NECAB2: variants seen among roughly 807,000 people sequenced by gnomAD.
NECAB2 encodes the protein N-terminal EF-hand calcium binding protein 2.
A neutral mutation model predicts 51.9 loss-of-function variants in NECAB2; 68 were observed. The ratio of observed to expected loss-of-function variants is 1.31; its 90% confidence interval spans 1.08 to 1.60. NECAB2 has a LOEUF of 1.60. NECAB2 is among the 40% of genes most tolerant of loss of function. The probability of loss-of-function intolerance (pLI) is 0.00; values close to 1 mark genes in which losing one functional copy is unlikely to be tolerated. For missense variants in NECAB2, 854 were observed against 490.3 expected (o/e 1.74, Z -7.00); for synonymous variants, 329 against 203.5 (o/e 1.62, Z -5.25).
intron 8 of NECAB2, among the ~76,000 whole-genome samples, chr16:83,995,755 A>T (rs4782871): frequency 5.3e-5 from 8 of 152,146 alleles, no homozygotes; most frequent in African/African-American, 1.9e-4. Flanking sequence ...AGGGAGACAG[A>T]GGCTGACGTG....
chr16:83,972,102 C>T (rs770619195), intron 1 of NECAB2, 49 bp from the exon 2 acceptor site: 49 of 1,610,944 alleles, frequency 3.0e-5, no homozygotes, highest in Non-Finnish European at 3.6e-5. Context: ...CTGCAGGAAG[C>T]GCTTGCCTCT....
chr16:83,998,843 C>CCTTACCTTCAAATTCCTGT, intron 10 of NECAB2, among the ~76,000 whole-genome samples: 1 of 152,270 alleles, frequency 6.6e-6, no homozygotes, highest in Middle Eastern at 3.4e-3. Context: ...GGGCAAGCGG[C>CCTTACCTTCAAATTCCTGT]CTTACCTTCA....
At position 83,990,547 on chromosome 16, in the gene NECAB2, G is replaced by C. The variant is rs1194880547; in HGVS notation, c.513G>C (p.Lys171Asn). 2.5e-6 allele frequency: 4 copies of C among 1,614,168 alleles called. No homozygotes were observed. The highest frequency in any genetic ancestry group is 3.4e-6 in the Non-Finnish European group (4 of 1,180,030). The change falls in exon 6 of 13, where the codon AAG (lysine) becomes AAC (asparagine). Residue 171 changes from lysine to asparagine, a missense_variant. Coordinates refer to ENST00000305202, the MANE Select transcript of NECAB2 (RefSeq NM_019065.3). The part of the protein sequence containing the change: ...VDQFVTRFLL[K>N]ETANQIQSLL... ...AGTTTGTGACCCGCTTCCTCCTGAA[G>C]GAGACGGCCAATCAGATCCAGTCGC...
chr16:83,981,084 C>T lies in NECAB2; in HGVS notation c.416C>T (p.Thr139Ile), dbSNP rs2084482655. The T allele has an allele frequency of 6.2e-7, 1 of 1,614,208 alleles. No homozygotes were observed. Among genetic ancestry groups the T allele is most frequent in the Non-Finnish European group, 8.5e-7 (1 of 1,180,044 alleles). Residue 139 changes from threonine (T) to isoleucine (I), a missense_variant, in exon 5 of 13, where the codon ACC (threonine) becomes ATC (isoleucine). Thr to Ile is a moderately conservative substitution (Grantham distance 89). Coordinates refer to ENST00000305202, the MANE Select transcript of NECAB2 (RefSeq NM_019065.3). Reference sequence around the variant, plus strand: ...GAGGATGTCCTGGCCTCCCTGGAGACCTTGAATCACTCTGTCCTGAAGGCC... The same window carrying T: ...GAGGATGTCCTGGCCTCCCTGGAGATCTTGAATCACTCTGTCCTGAAGGCC... ...DYEDVLASLE[T>I]LNHSVLKAMG...
intron 3 of NECAB2, among the ~76,000 whole-genome samples, chr16:83,980,400 G>A (rs1205825763): frequency 1.3e-5 from 2 of 152,088 alleles, no homozygotes; most frequent in Non-Finnish European, 2.9e-5. Flanking sequence ...CAGGGGCTGC[G>A]ACCAGAACAG....
Position 83,972,199 on chromosome 16 carries a change from G to C in NECAB2, c.226+24G>C, listed in dbSNP as rs746950228. ...TGGTGAGTTTCCCTTCCAGGCCGAC[G>C]GCCGCCCCACTCCTTCTGTCCTCGT... On this transcript the variant is annotated intron_variant, in intron 2 of 12. Coordinates refer to ENST00000305202, the MANE Select transcript of NECAB2 (RefSeq NM_019065.3). 3.7e-6 allele frequency: 6 copies of C among 1,613,506 alleles called. No individual in the cohort carries two copies. In the Admixed American group the frequency reaches 1.0e-4, roughly 27 times the overall value.
At chr16:83,975,924 T>C (rs1210693301) in intron 2 of NECAB2, among the ~76,000 whole-genome samples, 1 of 152,132 alleles carries the variant, frequency 6.6e-6, no homozygotes, top group Admixed American at 6.5e-5. Context: ...TCCTCATTAG[T>C]GAATTCATTA....
chr16:84,001,089 G>A (rs2084823249), intron 11 of NECAB2, among the ~76,000 whole-genome samples: 2 of 152,138 alleles, frequency 1.3e-5, no homozygotes, highest in Admixed American at 6.5e-5. Context: ...TGGGGGCCGA[G>A]GCACTGCCTT....
intron 5 of NECAB2, among the ~76,000 whole-genome samples, chr16:83,982,741 C>G (rs999877907): frequency 2.0e-5 from 3 of 152,122 alleles, no homozygotes; most frequent in African/African-American, 7.2e-5. Flanking sequence ...TTTTAGAGAT[C>G]TTGCTCTTGG....
intron 2 of NECAB2, among the ~76,000 whole-genome samples, chr16:83,973,427 C>T (rs1166926045): frequency 6.6e-6 from 1 of 152,210 alleles, no homozygotes; most frequent in South Asian, 2.1e-4. Flanking sequence ...TGGCCTCCTG[C>T]ATCCCTGGGG....
At chr16:83,966,254 C>A (rs1436861388), upstream of NECAB2, 6 of 528,468 alleles carry the variant, frequency 1.1e-5, no homozygotes, top group East Asian at 1.8e-4. Context: ...CTGGTGTGAC[C>A]AGCTGAGCAC....
At chr16:83,968,187 C>T (rs994278255), upstream of NECAB2, among the ~76,000 whole-genome samples, 3 of 151,356 alleles carry the variant, frequency 2.0e-5, no homozygotes, top group Non-Finnish European at 3.0e-5. Context: ...GGCGCCGCTC[C>T]CCGGGGCTGG....
upstream of NECAB2, among the ~76,000 whole-genome samples, chr16:83,968,071 G>T (rs1020628340): frequency 2.0e-5 from 3 of 151,800 alleles, no homozygotes; most frequent in African/African-American, 7.3e-5. Context: ...CTGGGGTGAA[G>T]ACTGGTTCTG....
chr16:83,995,802 C>T (rs896955510), intron 8 of NECAB2, among the ~76,000 whole-genome samples: 1 of 152,220 alleles, frequency 6.6e-6, no homozygotes, highest in Non-Finnish European at 1.5e-5. Context: ...AACTTCCCCT[C>T]CTGCAGGGAT....
upstream of NECAB2, chr16:83,966,036 C>A: frequency 2.0e-6 from 3 of 1,466,566 alleles, no homozygotes; most frequent in Non-Finnish European, 2.7e-6. Flanking sequence ...GGCTCCCAGG[C>A]CCTGAGAGGA....
intron 2 of NECAB2, among the ~76,000 whole-genome samples, chr16:83,976,536 A>G (rs989882337): frequency 6.6e-6 from 1 of 152,188 alleles, no homozygotes; most frequent in Non-Finnish European, 1.5e-5. Flanking sequence ...GAACACAGAA[A>G]GCAACAACTT....
chr16:83,983,752 G>A (rs1372127689), intron 5 of NECAB2, among the ~76,000 whole-genome samples: 1 of 152,142 alleles, frequency 6.6e-6, no homozygotes, highest in Non-Finnish European at 1.5e-5. Context: ...TGTCTCCATT[G>A]GGAGTGGAGA....
rs8051937 is a variant in NECAB2 at position 83,997,190 on chromosome 16, C to T, written c.796-26C>T. 12,772 of 1,613,968 alleles carry T rather than the reference C, an allele frequency of 7.9e-3. 684 individuals carry two copies. The African/African-American group carries it at 0.13, about 16-fold the overall frequency. On this transcript the variant is annotated intron_variant, in intron 8 of 12. Coordinates refer to ENST00000305202, the MANE Select transcript of NECAB2 (RefSeq NM_019065.3). The stretch of plus-strand genomic sequence containing the variant: ...GGGCGGAGTGGGGCTCTGGGTCTAG[C>T]ATCACTGTGTGCTGGATTGTTTCAG...
upstream of NECAB2, chr16:83,965,933 G>C: frequency 1.2e-6 from 2 of 1,612,348 alleles, no homozygotes; most frequent in South Asian, 2.2e-5. Context: ...GGACAACTTC[G>C]TGAGGTTTGT....
Sources: gnomAD v4.1 joint callset for allele counts (sites outside exome capture counted in the v4.1 genomes callset) on GRCh38, gnomAD v4.1.1 for gene constraint, MANE v1.5 for transcripts, NCBI Gene and HGNC (gene_info 2026-07-23, HGNC 2026-07-21) for gene names.